The following MAP4K4 variants were observed in gnomAD, a reference collection of about 807,000 sequenced individuals.
The protein encoded by MAP4K4 is HPK/GCK-like kinase HGK.
MAP4K4 carries 38 observed loss-of-function variants against 189.6 expected under a neutral mutation model. That is an observed-to-expected ratio of 0.20 (90% CI 0.15 to 0.26). The LOEUF (loss-of-function observed/expected upper bound fraction) is 0.26, where lower values mean the gene tolerates loss of function less well. MAP4K4 is among the 10% of genes least tolerant of loss of function. The pLI, the probability that MAP4K4 is intolerant of heterozygous loss-of-function variation, is 1.00. For synonymous variants in MAP4K4, 610 were observed against 624.3 expected (o/e 0.98, Z 0.34); for missense variants, 1,054 against 1,726.9 (o/e 0.61, Z 6.91).
chr2:101,877,202 C>G, intron 27 of MAP4K4, 56 bp downstream of exon 27: 1 of 1,566,388 alleles, frequency 6.4e-7, no homozygotes, highest in Admixed American at 1.7e-5. Context: ...AATATTGTAG[C>G]TTTACACACT....
At chr2:101,863,868 C>T (rs1306004212) in exon 17 of MAP4K4, 2 of 1,367,602 alleles carry the variant, frequency 1.5e-6, no homozygotes, top group African/African-American at 3.0e-5. Context: ...TTTCCCCTGT[C>T]TCGCGATCCC....
intron 32 of MAP4K4, among the ~76,000 whole-genome samples, chr2:101,890,512 A>G (rs1432332388): frequency 6.6e-6 from 1 of 152,176 alleles, no homozygotes; most frequent in Non-Finnish European, 1.5e-5. Context: ...GATGGAGTGC[A>G]GTGGCGTGAT....
chr2:101,806,467 C>T (rs1305951011), intron 3 of MAP4K4, among the ~76,000 whole-genome samples: 1 of 151,834 alleles, frequency 6.6e-6, no homozygotes, highest in Non-Finnish European at 1.5e-5. Flanking sequence ...CCTCCACCTC[C>T]CAGGTTCAAG....
At chr2:101,887,982 G>C (rs762343390) in intron 31 of MAP4K4, 45 bp downstream of exon 31, 1 of 1,502,188 alleles carries the variant, frequency 6.7e-7, no homozygotes, top group Non-Finnish European at 9.0e-7. Flanking sequence ...AAATGGAGCC[G>C]TGTCTGAGAC....
chr2:101,761,105 C>A (rs1367865760), intron 2 of MAP4K4, among the ~76,000 whole-genome samples: 1 of 152,190 alleles, frequency 6.6e-6, no homozygotes, highest in Non-Finnish European at 1.5e-5. Context: ...TGGAATTATA[C>A]TTCTTCCTAG....
chr2:101,843,257 T>G (rs1388055754), intron 11 of MAP4K4, among the ~76,000 whole-genome samples: 3 of 152,156 alleles, frequency 2.0e-5, no homozygotes, highest in Non-Finnish European at 4.4e-5. Context: ...TGCTGCAGTA[T>G]GTGGCTGATG....
At chr2:101,710,531 C>G (rs890433547) in intron 2 of MAP4K4, among the ~76,000 whole-genome samples, 1 of 152,172 alleles carries the variant, frequency 6.6e-6, no homozygotes, top group African/African-American at 2.4e-5. Context: ...CCATGCGAGG[C>G]TTGCTCACTG....
chr2:101,856,371 T>C (rs2097460120), intron 13 of MAP4K4, among the ~76,000 whole-genome samples: 1 of 152,232 alleles, frequency 6.6e-6, no homozygotes, highest in Non-Finnish European at 1.5e-5. Context: ...TAGGAACCTG[T>C]TGAAACCAGT....
At chr2:101,747,947 T>G (rs1162921493) in intron 2 of MAP4K4, among the ~76,000 whole-genome samples, 2 of 152,230 alleles carry the variant, frequency 1.3e-5, no homozygotes, top group African/African-American at 4.8e-5. Context: ...ACTGGTGTCG[T>G]GATGAATGTC....
chr2:101,742,163 C>G (rs1032731052), intron 2 of MAP4K4, among the ~76,000 whole-genome samples: 3 of 152,138 alleles, frequency 2.0e-5, no homozygotes, highest in African/African-American at 7.2e-5. Flanking sequence ...GTCCCGCACT[C>G]TTGGGTTGGG....
chr2:101,859,175 G>A (rs1576908625), intron 14 of MAP4K4, 93 bp downstream of exon 14: 1 of 1,201,104 alleles, frequency 8.3e-7, no homozygotes, highest in Non-Finnish European at 1.2e-6. Context: ...AGACCATTTT[G>A]GTTTTGCTGT....
chr2:101,738,802 C>T (rs1045785720), intron 2 of MAP4K4, among the ~76,000 whole-genome samples: 3 of 152,024 alleles, frequency 2.0e-5, no homozygotes, highest in African/African-American at 7.3e-5. Flanking sequence ...GGAAAGATCA[C>T]TGTCTGCCTG....
At chr2:101,727,898 G>C (rs1382197353) in intron 2 of MAP4K4, among the ~76,000 whole-genome samples, 1 of 152,198 alleles carries the variant, frequency 6.6e-6, no homozygotes, top group Non-Finnish European at 1.5e-5. Context: ...GAACCCAGGA[G>C]GCGGAGGTTG....
chr2:101,737,638 C>G (rs938010892), intron 2 of MAP4K4, among the ~76,000 whole-genome samples: 1 of 151,302 alleles, frequency 6.6e-6, no homozygotes. Flanking sequence ...TGCACACATT[C>G]AAGATAATCT....
chr2:101,776,280 C>T (rs935987957), intron 2 of MAP4K4, among the ~76,000 whole-genome samples: 1 of 152,126 alleles, frequency 6.6e-6, no homozygotes, highest in African/African-American at 2.4e-5. Context: ...TGATGGTCAG[C>T]TAAGGTGGAA....
chr2:101,870,145 A>T (rs1036872555), intron 22 of MAP4K4, 150 bp from the exon 23 acceptor site: 4 of 746,908 alleles, frequency 5.4e-6, no homozygotes, highest in Non-Finnish European at 8.5e-6. Flanking sequence ...TCTTTGTTAA[A>T]GGGAGAAAGC....
intron 9 of MAP4K4, among the ~76,000 whole-genome samples, chr2:101,836,760 T>C (rs2096768299): frequency 6.6e-6 from 1 of 152,226 alleles, no homozygotes; most frequent in African/African-American, 2.4e-5. Flanking sequence ...TTTATATTCT[T>C]AGGCTGTCAC....
exon 28 of MAP4K4, chr2:101,882,643 A>G: frequency 7.4e-6 from 12 of 1,612,144 alleles, no homozygotes; most frequent in Non-Finnish European, 1.0e-5. Flanking sequence ...GCAGGGATGG[A>G]CAACCGTAGG....
chr2:101,841,841 G>A (rs2096929493), intron 10 of MAP4K4, among the ~76,000 whole-genome samples: 1 of 152,162 alleles, frequency 6.6e-6, no homozygotes, highest in Admixed American at 6.5e-5. Context: ...TCTTCAACCT[G>A]TCTGGTTTTT....
Sources: gnomAD v4.1 joint callset for allele counts (sites outside exome capture counted in the v4.1 genomes callset) on GRCh38, gnomAD v4.1.1 for gene constraint, MANE v1.5 for transcripts, NCBI Gene and HGNC (gene_info 2026-07-23, HGNC 2026-07-21) for gene names.